CMIP: variants seen among roughly 807,000 people sequenced by gnomAD.
CMIP encodes the protein c-Maf inducing protein.
A neutral mutation model predicts 97.3 loss-of-function variants in CMIP; 13 were observed. The ratio of observed to expected loss-of-function variants is 0.13; its 90% CI spans 0.09 to 0.21. CMIP has a LOEUF of 0.21. CMIP is among the 10% of genes least tolerant of loss of function. The probability of loss-of-function intolerance (pLI) is 1.00; values close to 1 mark genes in which losing one functional copy is unlikely to be tolerated. For synonymous variants in CMIP, 538 were observed against 436.3 expected (o/e 1.23, Z -2.91); for missense variants, 847 against 1,024.9 (o/e 0.83, Z 2.37).
At chr16:81,679,592 T>C (rs561853275) in intron 10 of CMIP, among the ~76,000 whole-genome samples, 4 of 152,124 alleles carry the variant, frequency 2.6e-5, no homozygotes, top group African/African-American at 9.6e-5. Flanking sequence ...TGGGTGTCTA[T>C]GTGTGCACAT....
At chr16:81,540,684 G>A (rs1597529651) in intron 1 of CMIP, among the ~76,000 whole-genome samples, 1 of 109,728 alleles carries the variant, frequency 9.1e-6, no homozygotes, top group Admixed American at 9.6e-5. Flanking sequence ...GTGTGTGTGT[G>A]TTTGTTTTTG....
At chr16:81,476,017 C>G (rs1270111582) in intron 1 of CMIP, 2 of 625,440 alleles carry the variant, frequency 3.2e-6, no homozygotes, top group African/African-American at 3.7e-5. Flanking sequence ...AAACATAAGT[C>G]AAACTTTATT....
At position 81,614,540 on chromosome 16, in the gene CMIP, C is replaced by A. The variant is rs1057494366; in HGVS notation, c.427-6336C>A. On this transcript the variant is annotated intron_variant, in intron 2 of 20. Coordinates refer to ENST00000537098, the MANE Select transcript of CMIP (RefSeq NM_198390.3). This position sits in a 1 kb window ranked among gnomAD's most constrained non-coding sequence, Gnocchi z 5.3. ...GTGTGTGTGGTATATGCATTGGTTT[C>A]CCCAGTGGAAATGTGGCAGTGGAGG... 6.6e-6 allele frequency among the ~76,000 whole-genome samples: 1 copy of A among 152,010 alleles called. No homozygotes were observed. Among genetic ancestry groups the A allele is most frequent in the African/African-American group, 2.4e-5 (1 of 41,386 alleles).
intron 10 of CMIP, among the ~76,000 whole-genome samples, chr16:81,688,090 C>T (rs1050681635): frequency 1.3e-4 from 20 of 152,092 alleles, no homozygotes; most frequent in African/African-American, 4.6e-4. Context: ...GGACAGTGGT[C>T]TTCCCAGGGT....
At chr16:81,532,683 C>T (rs1329509010) in intron 1 of CMIP, among the ~76,000 whole-genome samples, 2 of 152,284 alleles carry the variant, frequency 1.3e-5, no homozygotes, top group East Asian at 1.9e-4. Flanking sequence ...GCCTTTCCTC[C>T]AGGAGCCTCC....
At chr16:81,515,415 A>G (rs1428845921) in intron 1 of CMIP, among the ~76,000 whole-genome samples, 1 of 152,114 alleles carries the variant, frequency 6.6e-6, no homozygotes, top group African/African-American at 2.4e-5. Context: ...ATGTAAGGAG[A>G]GGCACAGCTG....
intron 10 of CMIP, among the ~76,000 whole-genome samples, chr16:81,681,354 T>C (rs1329103831): frequency 1.3e-5 from 2 of 152,154 alleles, no homozygotes; most frequent in Non-Finnish European, 2.9e-5. Context: ...GTGAGATACG[T>C]CAGGAAAGGC....
intron 1 of CMIP, chr16:81,517,993 C>T (rs1440868812): frequency 3.3e-5 from 26 of 795,232 alleles, no homozygotes; most frequent in Admixed American, 6.2e-5. Flanking sequence ...AAGTAAGTGA[C>T]GGGGGTCCCT....
At chr16:81,548,666 C>A (rs1236330872) in intron 1 of CMIP, among the ~76,000 whole-genome samples, 1 of 150,254 alleles carries the variant, frequency 6.7e-6, no homozygotes. Flanking sequence ...CATAGGGAGA[C>A]CATGCCTCTA....
chr16:81,641,563 G>A lies in CMIP; in HGVS notation c.478-10640G>A, dbSNP rs959129898. ...GCTTATCTCCTTGCCAGCCAGGCAC[G>A]TGGTTACCTAGGCAACCAGCCGATG... On this transcript the variant is annotated intron_variant, in intron 3 of 20. Coordinates refer to ENST00000537098, the MANE Select transcript of CMIP (RefSeq NM_198390.3). Among the ~76,000 whole-genome samples the A allele has an allele frequency of 2.0e-4, 31 of 152,316 alleles. 1 individual carries two copies. Among genetic ancestry groups the A allele is most frequent in the African/African-American group, 7.0e-4 (29 of 41,576 alleles).
chr16:81,703,795 C>T (rs1907701575), intron 17 of CMIP, 144 bp from the exon 18 acceptor site: 1 of 1,148,198 alleles, frequency 8.7e-7, no homozygotes, highest in Non-Finnish European at 1.2e-6. Context: ...GAGCTGTGCC[C>T]CCATCTCAGC....
At chr16:81,602,421 A>C (rs2091672499) in intron 1 of CMIP, among the ~76,000 whole-genome samples, 1 of 152,244 alleles carries the variant, frequency 6.6e-6, no homozygotes, top group African/African-American at 2.4e-5. Context: ...GTCTTCACGC[A>C]TTGCCTTTTT....
chr16:81,610,252 G>A (rs978647315), intron 2 of CMIP: 1 of 944,728 alleles, frequency 1.1e-6, no homozygotes, highest in African/African-American at 1.8e-5. Flanking sequence ...GGGCCCAGCT[G>A]TGATGACTCG....
At chr16:81,607,498 C>A (rs1448422192) in intron 1 of CMIP, 69 bp from the exon 2 acceptor site, 6 of 1,581,822 alleles carry the variant, frequency 3.8e-6, no homozygotes, top group Non-Finnish European at 4.3e-6. Context: ...CCAAAACCGT[C>A]TGAGATGCGG....
intron 1 of CMIP, among the ~76,000 whole-genome samples, chr16:81,469,796 C>T (rs527426620): frequency 3.3e-5 from 5 of 152,242 alleles, no homozygotes; most frequent in Non-Finnish European, 7.4e-5. Context: ...ATAATAACAC[C>T]CGACAGCCAG....
intron 3 of CMIP, among the ~76,000 whole-genome samples, chr16:81,642,192 G>T (rs971225461): frequency 6.6e-6 from 1 of 152,184 alleles, no homozygotes; most frequent in African/African-American, 2.4e-5. Flanking sequence ...TTGATATGTA[G>T]TAGCCATTAT....
intron 1 of CMIP, among the ~76,000 whole-genome samples, chr16:81,529,592 G>A (rs1479641678): frequency 6.6e-6 from 1 of 152,146 alleles, no homozygotes; most frequent in African/African-American, 2.4e-5. Flanking sequence ...GAGGAGACTG[G>A]GTTGAGGAGC....
intron 1 of CMIP, among the ~76,000 whole-genome samples, chr16:81,558,145 T>G (rs2090804196): frequency 6.6e-6 from 1 of 152,250 alleles, no homozygotes. Context: ...TATGGCAATA[T>G]TCCATTGTCT....
Position 81,575,115 on chromosome 16 carries a change from GC to G in CMIP, c.301-32450del, listed in dbSNP as rs544515868. Among the ~76,000 whole-genome samples the G allele has an allele frequency of 3.1e-3, 466 of 152,282 alleles. 2 individuals carry two copies. The highest frequency in any genetic ancestry group is 5.3e-3 in the Non-Finnish European group (363 of 68,024). ...TGAGTAACTGAGCACTTAACTTCATGCCAGCCATATGCTAAATGCATTACCC... is the reference window on the plus strand; with the variant it reads ...TGAGTAACTGAGCACTTAACTTCATGCAGCCATATGCTAAATGCATTACCC... On this transcript the variant is annotated intron_variant, in intron 1 of 20. Coordinates refer to ENST00000537098, the MANE Select transcript of CMIP (RefSeq NM_198390.3).
Sources: gnomAD v4.1 joint callset for allele counts (sites outside exome capture counted in the v4.1 genomes callset) on GRCh38, gnomAD v4.1.1 for gene constraint, Gnocchi (gnomAD v3.1) non-coding constraint, MANE v1.5 for transcripts, NCBI Gene and HGNC (gene_info 2026-07-23, HGNC 2026-07-21) for gene names.